Variants in KBTBD12 observed in about 807,000 individuals in gnomAD.
The protein encoded by KBTBD12 is kelch repeat and BTB domain containing 12.
Under a neutral mutation model 58.7 loss-of-function variants are expected in KBTBD12, and 53 were observed. That is an observed-to-expected ratio of 0.90 (90% CI 0.72 to 1.14). KBTBD12 has a LOEUF of 1.14. Among genes scored for constraint, KBTBD12 ranks in the 50% most tolerant of loss-of-function variants. The pLI is 0.00. For missense variants in KBTBD12, 704 were observed against 751.3 expected (o/e 0.94, Z 0.74); for synonymous variants, 236 against 259.8 (o/e 0.91, Z 0.88).
intron 5 of KBTBD12, among the ~76,000 whole-genome samples, chr3:127,967,971 A>G (rs534040003): frequency 1.3e-4 from 20 of 152,254 alleles, no homozygotes; most frequent in Non-Finnish European, 2.6e-4. Flanking sequence ...AAGAGCAGGC[A>G]TGCTCACTGG....
intron 4 of KBTBD12, among the ~76,000 whole-genome samples, chr3:127,956,646 T>C (rs1940326842): frequency 6.6e-6 from 1 of 152,224 alleles, no homozygotes; most frequent in Admixed American, 6.5e-5. Flanking sequence ...CTCATGTTAC[T>C]GCGCGTGGAT....
intron 4 of KBTBD12, among the ~76,000 whole-genome samples, chr3:127,931,701 G>A (rs1939705625): frequency 1.3e-5 from 2 of 152,146 alleles, no homozygotes; most frequent in African/African-American, 4.8e-5. Flanking sequence ...CATGGACACT[G>A]TCCATTGAAT....
At chr3:127,929,287 T>G (rs942459674) in intron 3 of KBTBD12, among the ~76,000 whole-genome samples, 4 of 152,230 alleles carry the variant, frequency 2.6e-5, no homozygotes, top group African/African-American at 9.6e-5. Flanking sequence ...TGTGCCATGG[T>G]GAGCATAACT....
At chr3:127,940,817 A>G (rs1308187805) in intron 4 of KBTBD12, among the ~76,000 whole-genome samples, 2 of 152,300 alleles carry the variant, frequency 1.3e-5, no homozygotes, top group Admixed American at 1.3e-4. Context: ...AGCAAGACTA[A>G]CCAATAAAAA....
rs910829116 is a variant in KBTBD12, at chr3:127,984,315, A to G, written c.*37A>G. ...TGGAGGACCTCCTGCTGTTCTGCAA[A>G]CAAGGCCTTCAGAACGGAGAGGGCC... On this transcript the variant is annotated 3_prime_UTR_variant, in exon 6 of 6. Coordinates refer to ENST00000405109, the MANE Select transcript of KBTBD12 (RefSeq NM_207335.4). 3 of 1,587,280 alleles carry G rather than the reference A, an allele frequency of 1.9e-6. No homozygotes were observed. The highest frequency in any genetic ancestry group is 2.6e-6 in the Non-Finnish European group (3 of 1,161,184).
At chr3:127,948,981 T>A (rs1940146450) in intron 4 of KBTBD12, among the ~76,000 whole-genome samples, 1 of 152,178 alleles carries the variant, frequency 6.6e-6, no homozygotes, top group Non-Finnish European at 1.5e-5. Context: ...AATAAATATT[T>A]CTGACAGAAC....
intron 5 of KBTBD12, among the ~76,000 whole-genome samples, chr3:127,976,886 G>T (rs1275172586): frequency 6.6e-6 from 1 of 152,098 alleles, no homozygotes; most frequent in African/African-American, 2.4e-5. Flanking sequence ...AGGTTCAGGG[G>T]TACATGTGCA....
chr3:127,936,403 TCAAA>T (rs1186063995), intron 4 of KBTBD12, among the ~76,000 whole-genome samples: 1 of 151,290 alleles, frequency 6.6e-6, no homozygotes, highest in Non-Finnish European at 1.5e-5. Flanking sequence ...TGAAAAATAG[TCAAA>T]CAATCATCAA....
chr3:127,961,832 C>A, intron 4 of KBTBD12, among the ~76,000 whole-genome samples: 1 of 152,254 alleles, frequency 6.6e-6, no homozygotes. Flanking sequence ...GGTGAAAATA[C>A]CACCTGACTG....
Position 127,950,589 on chromosome 3 carries a change from G to A in KBTBD12, c.1493-12600G>A, listed in dbSNP as rs115304804. On this transcript the variant is annotated intron_variant, in intron 4 of 5. Transcript: ENST00000405109. ...CAGCAAAGAATACATCAAATATTAC[G>A]CTGGGTGCTAAGGACCCAGCGATGA... Among the ~76,000 whole-genome samples, 841 of 152,070 alleles carry A rather than the reference G, an allele frequency of 5.5e-3. 8 individuals are homozygous for A. Among genetic ancestry groups the A allele is most frequent in the African/African-American group, 0.02 (810 of 41,474 alleles).
At chr3:127,933,968 A>G (rs1939767930) in intron 4 of KBTBD12, among the ~76,000 whole-genome samples, 1 of 152,196 alleles carries the variant, frequency 6.6e-6, no homozygotes, top group African/African-American at 2.4e-5. Flanking sequence ...AAATCAGGAT[A>G]AAAAGTTGCC....
chr3:127,919,647 A>G (rs1372936573), intron 1 of KBTBD12, among the ~76,000 whole-genome samples: 1 of 152,204 alleles, frequency 6.6e-6, no homozygotes, highest in Non-Finnish European at 1.5e-5. Flanking sequence ...CTATAACCAC[A>G]GTTTTCAAAG....
chr3:127,979,111 C>T (rs1241667969), intron 5 of KBTBD12, among the ~76,000 whole-genome samples: 1 of 152,112 alleles, frequency 6.6e-6, no homozygotes, highest in Non-Finnish European at 1.5e-5. Context: ...TCTGCTAATA[C>T]AAATAAACAA....
chr3:127,971,225 T>G (rs192698506), intron 5 of KBTBD12, among the ~76,000 whole-genome samples: 1 of 152,276 alleles, frequency 6.6e-6, no homozygotes, highest in Non-Finnish European at 1.5e-5. Context: ...ATGACAACAC[T>G]GTGGCCTTAG....
At position 127,984,557 on chromosome 3, in the gene KBTBD12, C is replaced by A; in HGVS notation, c.*279C>A. On this transcript the variant is annotated 3_prime_UTR_variant, in exon 6 of 6. Coordinates refer to ENST00000405109, the MANE Select transcript of KBTBD12 (RefSeq NM_207335.4). ...AGAGCAGCAGAGGGAGGGTCTCACT[C>A]TGCTGGGGACCCATGAACAGCACTG... The A allele has an allele frequency of 3.3e-6, 1 of 306,122 alleles. No homozygotes were observed. Among genetic ancestry groups the A allele is most frequent in the Non-Finnish European group, 6.1e-6 (1 of 163,006 alleles). The allele number at this position is 306,122 out of a possible 1,614,324, so 19.0% of individuals were successfully genotyped here.
chr3:127,981,441 A>G (rs1423347855), intron 5 of KBTBD12, among the ~76,000 whole-genome samples: 1 of 152,276 alleles, frequency 6.6e-6, no homozygotes, highest in Non-Finnish European at 1.5e-5. Flanking sequence ...AGATTCTGAC[A>G]TAAATAGAAT....
rs1182393844 is a variant in KBTBD12, at chr3:127,986,255, T to C, written c.*1977T>C. The C allele has an allele frequency of 2.6e-5, 4 of 152,638 alleles. No homozygotes were observed. The highest frequency in any genetic ancestry group is 2.0e-4 in the Admixed American group (3 of 15,282). 9.5% of individuals were successfully genotyped at this position (152,638 alleles called of 1,614,324 possible). On this transcript the variant is annotated 3_prime_UTR_variant, in exon 6 of 6. Transcript: ENST00000405109. ...TTTCTAAAGCCTCATTTCCCTCATA[T>C]GCAGAGTGGGAAGGAAAATATTAAT...
intron 5 of KBTBD12, among the ~76,000 whole-genome samples, chr3:127,967,762 G>T (rs921755899): frequency 6.6e-6 from 1 of 152,180 alleles, no homozygotes; most frequent in African/African-American, 2.4e-5. Context: ...TAAATATAGT[G>T]CATATAGTAG....
intron 4 of KBTBD12, among the ~76,000 whole-genome samples, chr3:127,955,658 C>G (rs1299165038): frequency 3.3e-5 from 5 of 152,004 alleles, no homozygotes; most frequent in Non-Finnish European, 7.4e-5. Context: ...AGAGGCAATT[C>G]TGGCGTGAAA....
Sources: allele counts gnomAD v4.1 joint callset (sites outside exome capture counted in the v4.1 genomes callset), GRCh38; gene constraint gnomAD v4.1.1; transcripts MANE v1.5; gene names NCBI Gene and HGNC (gene_info 2026-07-23, HGNC 2026-07-21).